ZNF804A: variants seen among roughly 807,000 people sequenced by gnomAD.
ZNF804A encodes zinc finger protein 804A.
A neutral mutation model predicts 16.5 loss-of-function variants in ZNF804A; 2 were observed. That is an observed-to-expected ratio of 0.12 (90% CI 0.05 to 0.38). The LOEUF (loss-of-function observed/expected upper bound fraction) is 0.38, where lower values mean the gene tolerates loss of function less well. ZNF804A is among the 10% of genes least tolerant of loss of function. The pLI, the probability that ZNF804A is intolerant of heterozygous loss-of-function variation, is 0.99. For synonymous variants in ZNF804A, 534 were observed against 489.6 expected (o/e 1.09, Z -1.20); for missense variants, 1,473 against 1,390.7 (o/e 1.06, Z -0.94).
intron 2 of ZNF804A, among the ~76,000 whole-genome samples, chr2:184,890,914 T>A (rs1330925063): frequency 6.6e-6 from 1 of 151,708 alleles, no homozygotes; most frequent in African/African-American, 2.4e-5. Context: ...ATATTATACA[T>A]CTATGTTATT....
chr2:184,667,700 A>G (rs1559121614), intron 1 of ZNF804A, among the ~76,000 whole-genome samples: 1 of 151,824 alleles, frequency 6.6e-6, no homozygotes, highest in African/African-American at 2.4e-5. Flanking sequence ...TTTATTTGTA[A>G]CTTGATCCAG....
At chr2:184,903,063 C>G (rs769651000) in intron 2 of ZNF804A, among the ~76,000 whole-genome samples, 1 of 152,154 alleles carries the variant, frequency 6.6e-6, no homozygotes, top group Non-Finnish European at 1.5e-5. Flanking sequence ...AGGTTTTCCA[C>G]AGCTGCAGCT....
chr2:184,846,457 CTT>C (rs1443984017), intron 1 of ZNF804A, among the ~76,000 whole-genome samples: 14 of 152,168 alleles, frequency 9.2e-5, no homozygotes, highest in African/African-American at 3.4e-4. Flanking sequence ...CAGTGAGACT[CTT>C]TGCAGAATCT....
intron 1 of ZNF804A, among the ~76,000 whole-genome samples, chr2:184,829,627 G>A (rs1420977680): frequency 1.3e-5 from 2 of 151,848 alleles, no homozygotes; most frequent in African/African-American, 4.8e-5. Flanking sequence ...ATTATCTGAT[G>A]TAGACAATAT....
intron 1 of ZNF804A, among the ~76,000 whole-genome samples, chr2:184,809,580 A>T (rs1204400805): frequency 1.3e-5 from 2 of 151,856 alleles, no homozygotes; most frequent in Non-Finnish European, 2.9e-5. Flanking sequence ...TCTTTTTGAT[A>T]TGTCAATATT....
At chr2:184,705,387 TATG>T (rs1310143581) in intron 1 of ZNF804A, among the ~76,000 whole-genome samples, 1 of 152,204 alleles carries the variant, frequency 6.6e-6, no homozygotes, top group East Asian at 1.9e-4. Flanking sequence ...TAAAAATAAA[TATG>T]ATATTACATA....
At chr2:184,865,646 A>T (rs954538147) in intron 1 of ZNF804A, among the ~76,000 whole-genome samples, 2 of 152,178 alleles carry the variant, frequency 1.3e-5, no homozygotes, top group African/African-American at 4.8e-5. Flanking sequence ...ACAAAAGCTA[A>T]TGATGACTGG....
chr2:184,729,524 T>A (rs1693476688), intron 1 of ZNF804A, among the ~76,000 whole-genome samples: 1 of 152,072 alleles, frequency 6.6e-6, no homozygotes, highest in South Asian at 2.1e-4. Flanking sequence ...TTAAGTATTC[T>A]AATTTCCTCA....
chr2:184,838,943 T>C (rs1417274912), intron 1 of ZNF804A, among the ~76,000 whole-genome samples: 1 of 152,160 alleles, frequency 6.6e-6, no homozygotes, highest in Non-Finnish European at 1.5e-5. Context: ...ACTTTATCCA[T>C]TGATATGATA....
Position 184,751,077 on chromosome 2 carries a change from C to T in ZNF804A, c.112-115292C>T, listed in dbSNP as rs1381073265. On this transcript the variant is annotated intron_variant, in intron 1 of 3. Transcript: ENST00000302277. Reference sequence around the variant, plus strand: ...TCATATTACTTATCCATTCAGCCGTCAATGGACATTTAGGTTGCTTGCACA... The same window carrying T: ...TCATATTACTTATCCATTCAGCCGTTAATGGACATTTAGGTTGCTTGCACA... Among the ~76,000 whole-genome samples the T allele has an allele frequency of 1.3e-5, 2 of 151,492 alleles. 1 individual carries two copies. Among genetic ancestry groups the T allele is most frequent in the Middle Eastern group, 6.3e-3 (2 of 316 alleles).
chr2:184,763,108 C>T (rs1694064646), intron 1 of ZNF804A, among the ~76,000 whole-genome samples: 1 of 152,230 alleles, frequency 6.6e-6, no homozygotes, highest in Admixed American at 6.5e-5. Context: ...CTCATGATCT[C>T]AATTCTCATG....
intron 1 of ZNF804A, among the ~76,000 whole-genome samples, chr2:184,864,630 A>C (rs1695847985): frequency 6.6e-6 from 1 of 152,206 alleles, no homozygotes; most frequent in African/African-American, 2.4e-5. Context: ...TGTATGCATG[A>C]ATATACAGTG....
chr2:184,623,014 ATTCCC>A, intron 1 of ZNF804A, among the ~76,000 whole-genome samples: 1 of 152,180 alleles, frequency 6.6e-6, no homozygotes, highest in Admixed American at 6.6e-5. Context: ...CAAGAAAGGC[ATTCCC>A]TTTATTTGCT....
chr2:184,828,394 AT>A (rs1243960766), intron 1 of ZNF804A, among the ~76,000 whole-genome samples: 1 of 151,816 alleles, frequency 6.6e-6, no homozygotes, highest in Non-Finnish European at 1.5e-5. Context: ...TGTGTATTCT[AT>A]TTTATATTGT....
At chr2:184,725,458 T>C (rs138065673) in intron 1 of ZNF804A, among the ~76,000 whole-genome samples, 115 of 151,838 alleles carry the variant, frequency 7.6e-4, no homozygotes, top group African/African-American at 2.2e-3. Context: ...AAACTTCACC[T>C]ACTCTAATAA....
Position 184,938,714 on chromosome 2 carries a change from CGCTGCAGCT to C in ZNF804A, c.3330_3338del (p.Ala1117_Ala1119del), listed in dbSNP as rs779223489. 1.9e-6 allele frequency: 3 copies of C among 1,612,286 alleles called. No individual in the cohort carries two copies. Among genetic ancestry groups the C allele is most frequent in the East Asian group, 2.2e-5 (1 of 44,804 alleles). ...TCCATCACACTGTTTTGCAGCAGCA[CGCTGCAGCT>C]GCTGCAGCTGCAGCTGCAGCCGCAG... On this transcript the variant is annotated inframe_deletion, in exon 4 of 4. Coordinates refer to ENST00000302277, the MANE Select transcript of ZNF804A (RefSeq NM_194250.2).
chr2:184,888,911 C>A (rs1200128129), intron 2 of ZNF804A, among the ~76,000 whole-genome samples: 2 of 151,680 alleles, frequency 1.3e-5, no homozygotes, highest in Non-Finnish European at 2.9e-5. Context: ...CTATTTTTCA[C>A]TTTTTATAAA....
intron 1 of ZNF804A, among the ~76,000 whole-genome samples, chr2:184,649,080 C>T (rs1409983827): frequency 6.6e-6 from 1 of 152,018 alleles, no homozygotes; most frequent in African/African-American, 2.4e-5. Flanking sequence ...TTATATTAGC[C>T]ATACTCTTGG....
chr2:184,848,246 T>G (rs1016542227), intron 1 of ZNF804A, among the ~76,000 whole-genome samples: 10 of 151,958 alleles, frequency 6.6e-5, no homozygotes, highest in Admixed American at 4.6e-4. Context: ...CTTGGGAGAA[T>G]CCAAACATTT....
Sources: gnomAD v4.1 joint callset for allele counts (sites outside exome capture counted in the v4.1 genomes callset) on GRCh38, gnomAD v4.1.1 for gene constraint, MANE v1.5 for transcripts, NCBI Gene and HGNC (gene_info 2026-07-23, HGNC 2026-07-21) for gene names.